Variants in RBBP8 observed in about 807,000 individuals in gnomAD.
The protein encoded by RBBP8 is DNA endonuclease RBBP8.
In RBBP8, 88 loss-of-function variants were observed where a neutral mutation model predicts 108.3. That is an observed-to-expected ratio of 0.81 (90% CI 0.68 to 0.97). The LOEUF (loss-of-function observed/expected upper bound fraction) is 0.97, where lower values mean the gene tolerates loss of function less well. Ranked by LOEUF, RBBP8 falls within the 50% of genes least tolerant of loss-of-function variation. RBBP8 has a pLI of 0.00. For missense variants in RBBP8, 1,023 were observed against 1,049.0 expected (o/e 0.98, Z 0.34); for synonymous variants, 332 against 348.2 (o/e 0.95, Z 0.52).
At chr18:22,933,295 T>G (rs1468434844), upstream of RBBP8, 3 of 152,042 alleles carry the variant, frequency 2.0e-5, no homozygotes, top group East Asian at 5.8e-4. Flanking sequence ...GATGGGCAGC[T>G]GGAGGAAGGG....
At position 22,988,271 on chromosome 18, in the gene RBBP8, ACT is replaced by A. The variant is rs139852297; in HGVS notation, c.710-947_710-946del. Among the ~76,000 whole-genome samples the A allele has an allele frequency of 4.1e-3, 623 of 152,014 alleles. 3 individuals carry two copies. Among genetic ancestry groups the A allele is most frequent in the African/African-American group, 0.015 (601 of 41,442 alleles). ...ACACATTGCATTTGTTTTATTTAAAACTCTTAGATATCTCTTCATTGTCTACA... is the reference window on the plus strand; with the variant it reads ...ACACATTGCATTTGTTTTATTTAAAACTTAGATATCTCTTCATTGTCTACA... On this transcript the variant is annotated intron_variant, in intron 8 of 18. Transcript: ENST00000327155.
intron 14 of RBBP8, among the ~76,000 whole-genome samples, chr18:22,999,412 A>C (rs1451359574): frequency 1.3e-5 from 2 of 152,200 alleles, no homozygotes; most frequent in Admixed American, 1.3e-4. Context: ...TTATTCACTT[A>C]GGCTCATTTG....
intron 13 of RBBP8, among the ~76,000 whole-genome samples, chr18:22,997,309 T>G (rs2045876401): frequency 6.6e-6 from 1 of 152,188 alleles, no homozygotes; most frequent in South Asian, 2.1e-4. Context: ...ACATTGATGT[T>G]CATTACTATA....
chr18:22,950,197 C>G (rs781243107), intron 4 of RBBP8, among the ~76,000 whole-genome samples: 3 of 152,200 alleles, frequency 2.0e-5, no homozygotes, highest in Non-Finnish European at 4.4e-5. Context: ...GAGGTTAACA[C>G]TGAGGATTAG....
intron 4 of RBBP8, among the ~76,000 whole-genome samples, chr18:22,955,743 A>AGT (rs1912470403): frequency 7.0e-6 from 1 of 142,780 alleles, no homozygotes; most frequent in Non-Finnish European, 1.5e-5. Context: ...TCGCCCGGCT[A>AGT]ATTTTTTTTT....
Position 23,026,344 on chromosome 18 carries a change from G to A in RBBP8, c.*104G>A. ...TGATTTTTTTGATCTTCTGTAAATG[G>A]ATTTATAAATCAGTTTTCTATTGAA... On this transcript the variant is annotated 3_prime_UTR_variant, in exon 19 of 19. Transcript: ENST00000327155. The A allele has an allele frequency of 1.0e-6, 1 of 991,232 alleles. No individual in the cohort carries two copies. Among genetic ancestry groups the A allele is most frequent in the Non-Finnish European group, 1.5e-6 (1 of 645,626 alleles). The allele number at this position is 991,232 out of a possible 1,614,324, so 61.4% of individuals were successfully genotyped here. A position where few individuals can be genotyped will look rare whatever the true frequency, so the allele number is the denominator to read the frequency against.
chr18:23,011,678 A>G (rs1568000723), intron 16 of RBBP8, among the ~76,000 whole-genome samples: 2 of 151,952 alleles, frequency 1.3e-5, no homozygotes, highest in Admixed American at 6.6e-5. Flanking sequence ...TGACCTCATG[A>G]TCCGCCTGCC....
At chr18:22,994,014 CTTTTTTTTTT>C (rs777055614) in intron 12 of RBBP8, among the ~76,000 whole-genome samples, 167 bp downstream of exon 12, 2 of 75,104 alleles carry the variant, frequency 2.7e-5, no homozygotes, top group South Asian at 5.8e-4. Context: ...TTTTTCTGTT[CTTTTTTTTTT>C]TTTTTTTTTT....
chr18:22,920,141 A>G (rs1909530446), intron 3 of RBBP8, among the ~76,000 whole-genome samples: 1 of 152,032 alleles, frequency 6.6e-6, no homozygotes, highest in Non-Finnish European at 1.5e-5. Context: ...TGGGAAACAA[A>G]GTGAGACCTC....
rs2046410407 is a variant in RBBP8, at chr18:23,023,804, G to T, written c.2596+1534G>T. Among the ~76,000 whole-genome samples, 3 of 148,608 alleles carry T rather than the reference G, an allele frequency of 2.0e-5. No homozygotes were observed. The South Asian group carries it at 6.5e-4, about 32-fold the overall frequency. On this transcript the variant is annotated intron_variant, in intron 18 of 18. Coordinates refer to ENST00000327155, the MANE Select transcript of RBBP8 (RefSeq NM_002894.3). ...GCAGGGTCCATTTCACAGACCCTTT[G>T]TTGTGAAAGTATAATTCCAGAGGAG...
chr18:22,989,523 G>C (rs1915540369), intron 9 of RBBP8, among the ~76,000 whole-genome samples: 1 of 152,148 alleles, frequency 6.6e-6, no homozygotes, highest in African/African-American at 2.4e-5. Flanking sequence ...TGGGATATGG[G>C]TTGAGTCAAA....
chr18:23,025,707 C>T (rs2046440526), intron 18 of RBBP8, among the ~76,000 whole-genome samples: 1 of 152,152 alleles, frequency 6.6e-6, no homozygotes, highest in African/African-American at 2.4e-5. Flanking sequence ...TCATGTTTAG[C>T]ACTTTGTCCC....
chr18:22,970,115 A>T (rs1403093652), intron 5 of RBBP8, among the ~76,000 whole-genome samples: 1 of 152,212 alleles, frequency 6.6e-6, no homozygotes, highest in Admixed American at 6.5e-5. Flanking sequence ...ATAATACCAA[A>T]TGCAGTCTCT....
At chr18:22,994,648 A>G (rs897176018) in intron 12 of RBBP8, among the ~76,000 whole-genome samples, 3 of 148,276 alleles carry the variant, frequency 2.0e-5, no homozygotes, top group Non-Finnish European at 4.5e-5. Context: ...CTCCGTCTCA[A>G]AAAAAAAAAA....
At position 22,936,851 on chromosome 18, in the gene RBBP8, G is replaced by A. The variant is rs148708986; in HGVS notation, c.-1G>A. Reference sequence around the variant, plus strand: ...TAGAAGTGTGGAGCATATTAAGCAAGATGAACATCTCGGGAAGCAGCTGTG... The same window carrying A: ...TAGAAGTGTGGAGCATATTAAGCAAAATGAACATCTCGGGAAGCAGCTGTG... On this transcript the variant is annotated 5_prime_UTR_variant, in exon 2 of 19. Transcript: ENST00000327155. The A allele has an allele frequency of 4.0e-5, 65 of 1,614,102 alleles. No homozygotes were observed. The highest frequency in any genetic ancestry group is 5.5e-5 in the Non-Finnish European group (65 of 1,179,996).
chr18:22,974,026 A>G (rs953788673), intron 5 of RBBP8, among the ~76,000 whole-genome samples: 2 of 152,212 alleles, frequency 1.3e-5, no homozygotes, highest in African/African-American at 4.8e-5. Context: ...CATGTTGTAG[A>G]TAGTCCAGAA....
chr18:23,022,616 A>ATAAAATAAAATAAAAT (rs1491323428), intron 18 of RBBP8, among the ~76,000 whole-genome samples: 1 of 93,034 alleles, frequency 1.1e-5, no homozygotes, highest in African/African-American at 3.0e-5. Context: ...ATAAAATAAA[A>ATAAAATAAAATAAAAT]TAAAATAAAA....
chr18:23,000,196 C>T (rs2045924183), intron 14 of RBBP8, among the ~76,000 whole-genome samples: 1 of 152,022 alleles, frequency 6.6e-6, no homozygotes, highest in Admixed American at 6.6e-5. Flanking sequence ...GAGTGCTGTG[C>T]GTTGGGAGAG....
In RBBP8 at chr18:23,016,919, G is replaced by T; in HGVS notation, c.2449G>T (p.Glu817Ter). The T allele has an allele frequency of 6.2e-7, 1 of 1,607,722 alleles. No homozygotes were observed. Among genetic ancestry groups the T allele is most frequent in the South Asian group, 1.1e-5 (1 of 90,952 alleles). The change falls in exon 17 of 19, where the codon GAA becomes TAA. Residue 817 changes from glutamate (E) to a stop codon, truncating the protein, a stop_gained. Transcript: ENST00000327155. LOFTEE classifies it high-confidence loss of function. ...KLLGHTCKEC[E>*]IYYADMPAEE... ...GCTTGGGCACACGTGTAAGGAATGT[G>T]AAATTGTAAGTACTAATGTAGATAC...
Sources: gnomAD v4.1 joint callset for allele counts (sites outside exome capture counted in the v4.1 genomes callset) on GRCh38, gnomAD v4.1.1 for gene constraint, MANE v1.5 for transcripts, NCBI Gene and HGNC (gene_info 2026-07-23, HGNC 2026-07-21) for gene names.